Variants in CCND2 observed in about 807,000 individuals in gnomAD.
CCND2 encodes the protein G1/S-specific cyclin-D2.
CCND2 carries 6 observed loss-of-function variants against 30.2 expected under a neutral mutation model. That is an observed-to-expected ratio of 0.20 (90% CI 0.11 to 0.39). CCND2 has a LOEUF of 0.39. Ranked by LOEUF, CCND2 falls within the 10% of genes least tolerant of loss-of-function variation. CCND2 has a pLI of 1.00. For synonymous variants in CCND2, 150 were observed against 153.1 expected (o/e 0.98, Z 0.15); for missense variants, 235 against 373.4 (o/e 0.63, Z 3.06).
chr12:4,274,306 A>C lies in CCND2; in HGVS notation c.195+71A>C. ...TGCTCGGGTCCCCGGCCGGAGCCCT[A>C]AACCTGGGAGAGGGCAATCCCCGCG... On this transcript the variant is annotated intron_variant, in intron 1 of 4. Coordinates refer to ENST00000261254, the MANE Select transcript of CCND2 (RefSeq NM_001759.4). The surrounding 1 kb of genome is among the most constrained non-coding windows in gnomAD (Gnocchi z 7.7). 1.3e-6 allele frequency: 2 copies of C among 1,528,552 alleles called. No individual in the cohort carries two copies. The highest frequency in any genetic ancestry group is 1.8e-6 in the Non-Finnish European group (2 of 1,113,884). 94.7% of individuals were successfully genotyped at this position (1,528,552 alleles called of 1,614,324 possible).
rs145337981 is a variant in CCND2, at chr12:4,292,195, A to G, written c.720+3205A>G. Reference sequence around the variant, plus strand: ...TAAATGGATATATATATATGTATGTATGTATGTCTGAAACATTCTCGGGCC... The same window carrying G: ...TAAATGGATATATATATATGTATGTGTGTATGTCTGAAACATTCTCGGGCC... On this transcript the variant is annotated intron_variant, in intron 4 of 4. Transcript: ENST00000261254. 3.3e-3 allele frequency among the ~76,000 whole-genome samples: 496 copies of G among 152,252 alleles called. 6 individuals carry two copies. In the South Asian group the frequency reaches 0.033, roughly 10 times the overall value.
Position 4,285,134 on chromosome 12 carries a change from T to C in CCND2, c.572-3708T>C, listed in dbSNP as rs377537032. ...ACACCATCCTCTACTATCTAATGCATTGATGCCCAGCCTTAAGAAGTCTGA... is the reference window on the plus strand; with the variant it reads ...ACACCATCCTCTACTATCTAATGCACTGATGCCCAGCCTTAAGAAGTCTGA... On this transcript the variant is annotated intron_variant, in intron 3 of 4. Coordinates refer to ENST00000261254, the MANE Select transcript of CCND2 (RefSeq NM_001759.4). This position sits in a 1 kb window ranked among gnomAD's most constrained non-coding sequence, Gnocchi z 4.1. The C allele has an allele frequency of 1.1e-5, 2 of 186,344 alleles. No individual in the cohort carries two copies. Among genetic ancestry groups the C allele is most frequent in the African/African-American group, 4.8e-5 (2 of 42,076 alleles). The allele number at this position is 186,344 out of a possible 1,614,324, so 11.5% of individuals were successfully genotyped here.
At chr12:4,279,655 A>C (rs1591645135) in intron 3 of CCND2, among the ~76,000 whole-genome samples, 1 of 144,116 alleles carries the variant, frequency 6.9e-6, no homozygotes. Context: ...GTAGTTTCCT[A>C]ATAAACCAAA....
chr12:4,274,764 G>C lies in CCND2; in HGVS notation c.195+529G>C, dbSNP rs1233999160. 6.6e-6 allele frequency among the ~76,000 whole-genome samples: 1 copy of C among 152,220 alleles called. No individual in the cohort carries two copies. The highest frequency in any genetic ancestry group is 6.5e-5 in the Admixed American group (1 of 15,292). Reference sequence around the variant, plus strand: ...AACGGGGAATTCGGGAGCCCCGGAAGTCCCATTGAAGAAACGCGTGTTTCA... The same window carrying C: ...AACGGGGAATTCGGGAGCCCCGGAACTCCCATTGAAGAAACGCGTGTTTCA... On this transcript the variant is annotated intron_variant, in intron 1 of 4. Transcript: ENST00000261254. This position sits in a 1 kb window ranked among gnomAD's most constrained non-coding sequence, Gnocchi z 7.7.
At chr12:4,286,999 C>T (rs1171072198) in intron 3 of CCND2, among the ~76,000 whole-genome samples, 1 of 152,184 alleles carries the variant, frequency 6.6e-6, no homozygotes, top group African/African-American at 2.4e-5. Context: ...GGTTATTGGG[C>T]AGAGAAACAC....
chr12:4,300,243 C>T lies in CCND2; in HGVS notation c.*234C>T, dbSNP rs1565439041. On this transcript the variant is annotated 3_prime_UTR_variant, in exon 5 of 5. Coordinates refer to ENST00000261254, the MANE Select transcript of CCND2 (RefSeq NM_001759.4). ...AGCATAAGGGAATCCCTTGTATATG[C>T]GAACAGTTATTGTTTGATTATGTAA... The T allele has an allele frequency of 2.3e-6, 1 of 442,772 alleles. No homozygotes were observed. 27.4% of individuals were successfully genotyped at this position (442,772 alleles called of 1,614,324 possible). A position where few individuals can be genotyped will look rare whatever the true frequency, so the allele number is the denominator to read the frequency against.
intron 3 of CCND2, among the ~76,000 whole-genome samples, chr12:4,280,738 C>G (rs1863937519): frequency 6.6e-6 from 1 of 152,230 alleles, no homozygotes; most frequent in Admixed American, 6.5e-5. Context: ...CAGCTGACCC[C>G]CGACCCTAAA....
intron 2 of CCND2, 106 bp from the exon 3 acceptor site, chr12:4,278,652 CCT>C: frequency 9.5e-7 from 1 of 1,049,092 alleles, no homozygotes; most frequent in Non-Finnish European, 1.4e-6. Context: ...GCAGCCACGT[CCT>C]AATGAGCGGC....
At chr12:4,291,682 C>A (rs921139788) in intron 4 of CCND2, among the ~76,000 whole-genome samples, 3 of 152,106 alleles carry the variant, frequency 2.0e-5, no homozygotes, top group Non-Finnish European at 4.4e-5. Flanking sequence ...AGAATGCCGG[C>A]CTCCCAGCAG....
intron 1 of CCND2, chr12:4,275,295 CCTTTCTGG>C (rs1863852871): frequency 6.6e-6 from 1 of 152,230 alleles, no homozygotes; most frequent in Non-Finnish European, 1.5e-5. Context: ...GGAATACAGA[CCTTTCTGG>C]CACCCGAAAC....
chr12:4,281,160 T>C (rs3217818), intron 3 of CCND2, among the ~76,000 whole-genome samples: 9,258 of 152,260 alleles, frequency 0.061, 619 homozygotes, highest in East Asian at 0.25. Context: ...GCACTAAGCC[T>C]CAGGCGTTGA....
rs1462781681 is a variant in CCND2 at position 4,282,721 on chromosome 12, G to A, written c.571+3802G>A. ...ATGAATGGGTAGCAGGCTGCTCATCGCCCTCCAACCAGCCCCCTCCCCAGC... is the reference window on the plus strand; with the variant it reads ...ATGAATGGGTAGCAGGCTGCTCATCACCCTCCAACCAGCCCCCTCCCCAGC... On this transcript the variant is annotated intron_variant, in intron 3 of 4. Transcript: ENST00000261254. This position sits in a 1 kb window ranked among gnomAD's most constrained non-coding sequence, Gnocchi z 4.3. Among the ~76,000 whole-genome samples, 4 of 152,154 alleles carry A rather than the reference G, an allele frequency of 2.6e-5. No individual in the cohort carries two copies. The highest frequency in any genetic ancestry group is 2.1e-4 in the South Asian group (1 of 4,830).
chr12:4,296,967 A>G (rs1487306269), intron 4 of CCND2, among the ~76,000 whole-genome samples: 1 of 152,170 alleles, frequency 6.6e-6, no homozygotes, highest in Admixed American at 6.5e-5. Context: ...GCTCCTGCCC[A>G]TGTACCGTGG....
Position 4,302,859 on chromosome 12 carries a change from A to G in CCND2, c.*2850A>G, listed in dbSNP as rs1864269817. Reference sequence around the variant, plus strand: ...ATTCTAGGGGATTTCTGGTGGGACAATGGGTGGTGAATTCTGAAGTTTTGG... The same window carrying G: ...ATTCTAGGGGATTTCTGGTGGGACAGTGGGTGGTGAATTCTGAAGTTTTGG... On this transcript the variant is annotated 3_prime_UTR_variant, in exon 5 of 5. Coordinates refer to ENST00000261254, the MANE Select transcript of CCND2 (RefSeq NM_001759.4). 1 of 233,228 alleles carries G rather than the reference A, an allele frequency of 4.3e-6. No homozygotes were observed. Among genetic ancestry groups the G allele is most frequent in the Admixed American group, 5.6e-5 (1 of 17,790 alleles). The allele number at this position is 233,228 out of a possible 1,614,324, so 14.4% of individuals were successfully genotyped here. A position where few individuals can be genotyped will look rare whatever the true frequency, so the allele number is the denominator to read the frequency against.
Position 4,300,453 on chromosome 12 carries a change from A to G in CCND2, c.*444A>G, listed in dbSNP as rs761126834. On this transcript the variant is annotated 3_prime_UTR_variant, in exon 5 of 5. Transcript: ENST00000261254. ...TATGGCATGATTAGATTGCAAAGCA[A>G]TGAACTCAAGAAGGAATTGAAATAA... 2.5e-5 allele frequency: 6 copies of G among 236,366 alleles called. No homozygotes were observed. Among genetic ancestry groups the G allele is most frequent in the African/African-American group, 4.4e-5 (2 of 45,386 alleles). 14.6% of individuals were successfully genotyped at this position (236,366 alleles called of 1,614,324 possible).
intron 3 of CCND2, among the ~76,000 whole-genome samples, chr12:4,280,175 T>C (rs1015736936): frequency 2.0e-5 from 3 of 152,278 alleles, no homozygotes; most frequent in Non-Finnish European, 2.9e-5. Context: ...GTGATGCACG[T>C]GGACGTGCTT....
intron 4 of CCND2, among the ~76,000 whole-genome samples, chr12:4,292,513 CTG>C (rs1864114620): frequency 6.6e-6 from 1 of 152,086 alleles, no homozygotes; most frequent in African/African-American, 2.4e-5. Flanking sequence ...AGGCGAGTCT[CTG>C]TGGTTCATTG....
intron 1 of CCND2, 132 bp from the exon 2 acceptor site, chr12:4,275,873 T>TC (rs1467151888): frequency 1.7e-6 from 1 of 586,162 alleles, no homozygotes; most frequent in Non-Finnish European, 3.0e-6. Context: ...CGCATTCTGG[T>TC]CCCCTCCCCC....
intron 4 of CCND2, among the ~76,000 whole-genome samples, chr12:4,298,436 C>T (rs978208152): frequency 4.6e-5 from 7 of 152,270 alleles, no homozygotes; most frequent in South Asian, 4.1e-4. Context: ...TTTTAAAGAT[C>T]GGGAGCTTGC....
Sources: allele counts gnomAD v4.1 joint callset (sites outside exome capture counted in the v4.1 genomes callset), GRCh38; gene constraint gnomAD v4.1.1; non-coding constraint Gnocchi (gnomAD v3.1); transcripts MANE v1.5; gene names NCBI Gene and HGNC (gene_info 2026-07-23, HGNC 2026-07-21).